The following SCN7A variants were observed in gnomAD, a reference collection of about 807,000 sequenced individuals.
The protein encoded by SCN7A is sodium channel protein type 7 subunit alpha.
Under a neutral mutation model 155.2 loss-of-function variants are expected in SCN7A, and 138 were observed. The ratio of observed to expected loss-of-function variants is 0.89; its 90% CI spans 0.77 to 1.02. The LOEUF (loss-of-function observed/expected upper bound fraction) is 1.02. Among genes scored for constraint, SCN7A ranks in the 50% least tolerant of loss-of-function variants. SCN7A has a pLI of 0.00. For missense variants in SCN7A, 2,058 were observed against 1,986.6 expected, an observed-to-expected ratio of 1.04 and a Z score of -0.68; for synonymous variants, 693 against 649.0, an observed-to-expected ratio of 1.07 and a Z score of -1.03.
chr2:166,406,762 T>C (rs1052326677), intron 25 of SCN7A, 116 bp from the exon 26 acceptor site: 1 of 744,972 alleles, frequency 1.3e-6, no homozygotes, highest in Non-Finnish European at 2.2e-6. Context: ...CCTTTATTGA[T>C]CCCTTCCATT....
chr2:166,419,427 G>A (rs924939476), intron 20 of SCN7A, among the ~76,000 whole-genome samples: 2 of 148,514 alleles, frequency 1.3e-5, no homozygotes, highest in East Asian at 2.0e-4. Context: ...GAGCAATCTC[G>A]GCTCACTGCA....
chr2:166,414,296 A>C (rs1211012507), intron 21 of SCN7A, among the ~76,000 whole-genome samples: 1 of 90,712 alleles, frequency 1.1e-5, no homozygotes, highest in Non-Finnish European at 1.9e-5. Context: ...ACACACACAT[A>C]TATATATATA....
chr2:166,489,567 C>T (rs971735488), intron 1 of SCN7A, among the ~76,000 whole-genome samples: 1 of 152,170 alleles, frequency 6.6e-6, no homozygotes, highest in Non-Finnish European at 1.5e-5. Flanking sequence ...CTTTAAATAC[C>T]TCTTGACTTC....
rs1575060257 is a variant in SCN7A, at chr2:166,474,028, G to T, written c.354-140C>A. 1.1e-5 allele frequency: 6 copies of T among 526,122 alleles called. No individual in the cohort carries two copies. The East Asian group carries it at 1.9e-4, about 17-fold the overall frequency. 32.6% of individuals were successfully genotyped at this position (526,122 alleles called of 1,614,324 possible). A position where few individuals can be genotyped will look rare whatever the true frequency, so the allele number is the denominator to read the frequency against. ...TTAATATTTGTTAATATTTACTATT[G>T]TTGTGTATATTAGAAAATATACTTT... On this transcript the variant is annotated intron_variant, in intron 4 of 25. Coordinates refer to ENST00000643258, the MANE Select transcript of SCN7A (RefSeq NM_002976.4).
At chr2:166,481,570 A>G (rs1223320494) in intron 2 of SCN7A, among the ~76,000 whole-genome samples, 1 of 152,146 alleles carries the variant, frequency 6.6e-6, no homozygotes, top group African/African-American at 2.4e-5. Context: ...ATCAATACTA[A>G]TTTGTGTCTG....
At chr2:166,438,908 T>C (rs1352532942) in intron 15 of SCN7A, among the ~76,000 whole-genome samples, 3 of 151,460 alleles carry the variant, frequency 2.0e-5, no homozygotes, top group Non-Finnish European at 2.9e-5. Flanking sequence ...TTCTGGTTAG[T>C]AGAAACAACA....
Position 166,406,323 on chromosome 2 carries a change from A to G in SCN7A, c.4306T>C (p.Trp1436Arg), listed in dbSNP as rs761749805. Residue 1436 changes from tryptophan (W) to arginine (R), a missense_variant, in exon 26 of 26, where the codon TGG becomes CGG. Trp to Arg is a moderately radical substitution (Grantham distance 101). Transcript: ENST00000643258. ...CLFQVAIFAG[W>R]DGMLDAIFNS... ...AAAATTGCATCAAGCATCCCATCCC[A>G]ACCAGCAAATATTGCAACTTGAAAA... 1 of 1,613,162 alleles carries G rather than the reference A, an allele frequency of 6.2e-7. No homozygotes were observed. Among genetic ancestry groups the G allele is most frequent in the Admixed American group, 1.7e-5 (1 of 59,892 alleles).
At chr2:166,426,442 A>G (rs1396808338) in intron 18 of SCN7A, among the ~76,000 whole-genome samples, 1 of 152,146 alleles carries the variant, frequency 6.6e-6, no homozygotes, top group Admixed American at 6.6e-5. Flanking sequence ...ATTAGGAGAC[A>G]TAGTATGTCT....
chr2:166,491,436 G>C (rs1447875759), intron 1 of SCN7A, among the ~76,000 whole-genome samples: 3 of 152,136 alleles, frequency 2.0e-5, no homozygotes, highest in African/African-American at 7.2e-5. Flanking sequence ...TTTCAGGATG[G>C]AATATAAGAA....
At chr2:166,414,245 AATAT>A (rs550020340) in intron 21 of SCN7A, among the ~76,000 whole-genome samples, 9,391 of 83,830 alleles carry the variant, frequency 0.11, 1,126 homozygotes, top group Non-Finnish European at 0.16. Flanking sequence ...TATATATGTA[AATAT>A]ATATAGATAT....
intron 18 of SCN7A, among the ~76,000 whole-genome samples, chr2:166,427,421 G>A (rs1040807014): frequency 1.3e-5 from 2 of 151,904 alleles, no homozygotes; most frequent in African/African-American, 4.8e-5. Flanking sequence ...CAAAGTACAA[G>A]CATATTATAG....
intron 1 of SCN7A, among the ~76,000 whole-genome samples, chr2:166,487,315 G>A (rs1377212804): frequency 1.3e-5 from 2 of 152,186 alleles, no homozygotes; most frequent in Non-Finnish European, 2.9e-5. Flanking sequence ...TGCATCAACA[G>A]CATTTTGAAA....
At chr2:166,462,256 A>T in intron 10 of SCN7A, 133 bp downstream of exon 10, 1 of 926,162 alleles carries the variant, frequency 1.1e-6, no homozygotes, top group Non-Finnish European at 1.6e-6. Context: ...CAGTAATTCT[A>T]GTTCTCTTTT....
chr2:166,413,229 C>G, intron 21 of SCN7A, 108 bp from the exon 22 acceptor site: 1 of 549,008 alleles, frequency 1.8e-6, no homozygotes. Context: ...TGCCACACTT[C>G]CATATACTGT....
intron 7 of SCN7A, among the ~76,000 whole-genome samples, chr2:166,467,100 A>C (rs1702551032): frequency 6.6e-6 from 1 of 151,872 alleles, no homozygotes; most frequent in African/African-American, 2.4e-5. Flanking sequence ...AAAGTATTAT[A>C]CTAGATATAT....
At chr2:166,425,134 C>T (rs1310750623) in intron 18 of SCN7A, among the ~76,000 whole-genome samples, 1 of 152,042 alleles carries the variant, frequency 6.6e-6, no homozygotes, top group Non-Finnish European at 1.5e-5. Flanking sequence ...CCAGAGCCTC[C>T]CCACAAGATC....
intron 19 of SCN7A, among the ~76,000 whole-genome samples, 176 bp downstream of exon 19, chr2:166,423,083 T>C (rs1272830563): frequency 6.6e-6 from 1 of 151,960 alleles, no homozygotes; most frequent in Non-Finnish European, 1.5e-5. Context: ...TTTAAAATTT[T>C]GGAATAAGAA....
intron 18 of SCN7A, among the ~76,000 whole-genome samples, chr2:166,423,748 C>T (rs537795371): frequency 5.7e-4 from 87 of 152,006 alleles, no homozygotes; most frequent in Non-Finnish European, 1.0e-3. Flanking sequence ...AAACTTAACA[C>T]AAGAGTCAAA....
chr2:166,481,034 TA>T (rs1702914049), intron 2 of SCN7A, among the ~76,000 whole-genome samples: 1 of 152,206 alleles, frequency 6.6e-6, no homozygotes, highest in Admixed American at 6.5e-5. Flanking sequence ...GGTTTTTGTC[TA>T]AAGGCTGGTG....
Sources: gnomAD v4.1 joint callset for allele counts (sites outside exome capture counted in the v4.1 genomes callset) on GRCh38, gnomAD v4.1.1 for gene constraint, MANE v1.5 for transcripts, NCBI Gene and HGNC (gene_info 2026-07-23, HGNC 2026-07-21) for gene names.